The following ZNF718 variants were observed in gnomAD, a reference collection of about 807,000 sequenced individuals.
The protein encoded by ZNF718 is zinc finger protein 718.
ZNF718 carries 3 observed loss-of-function variants against 2.6 expected under a neutral mutation model. The observed-to-expected ratio is 1.16, with a 90% CI of 0.53 to 3.01. The LOEUF is 3.01. Ranked by LOEUF, ZNF718 falls within the 30% of genes most tolerant of loss-of-function variation. ZNF718 has a pLI of 0.03. For synonymous variants in ZNF718, 135 were observed against 77.9 expected (o/e 1.73, Z -3.86); for missense variants, 468 against 230.0 (o/e 2.03, Z -6.69).
chr4:198,502 C>T (rs114619221), intron 3 of ZNF718, among the ~76,000 whole-genome samples: 277 of 152,292 alleles, frequency 1.8e-3, no homozygotes, highest in Non-Finnish European at 2.9e-3. Context: ...TCCTGCCTTC[C>T]CTGCAGGCTA....
At chr4:182,404 A>ATATTTATT (rs74441689) in intron 3 of ZNF718, among the ~76,000 whole-genome samples, 11 of 147,642 alleles carry the variant, frequency 7.5e-5, no homozygotes, top group Admixed American at 1.4e-4. Flanking sequence ...ATTTTGATTT[A>ATATTTATT]TATTTATTTA....
chr4:166,701 G>GT (rs1292911714), downstream of ZNF718, among the ~76,000 whole-genome samples: 166 of 151,802 alleles, frequency 1.1e-3, no homozygotes, highest in Admixed American at 1.8e-3. Context: ...GGGGCTGTTT[G>GT]TTTTTTTTCT....
chr4:187,779 G>T (rs1031035308), intron 3 of ZNF718, among the ~76,000 whole-genome samples: 6 of 151,180 alleles, frequency 4.0e-5, no homozygotes, highest in African/African-American at 9.9e-5. Flanking sequence ...ACTGTACTGT[G>T]TTGGGGGGAT....
intron 3 of ZNF718, among the ~76,000 whole-genome samples, chr4:191,746 A>C (rs183226117): frequency 2.8e-4 from 43 of 152,296 alleles, no homozygotes; most frequent in Non-Finnish European, 2.9e-5. Flanking sequence ...AAAAATATTA[A>C]TTTGGTCATC....
chr4:130,854 TC>T lies in ZNF718; in HGVS notation c.73del (p.Gln25SerfsTer8). The T allele has an allele frequency of 2.6e-6, 1 of 387,696 alleles. No individual in the cohort carries two copies. The highest frequency in any genetic ancestry group is 4.1e-5 in the South Asian group (1 of 24,390). The allele number at this position is 387,696 out of a possible 1,614,324, so 24.0% of individuals were successfully genotyped here. ...AGAAGAGTGGAAATGTCTGGACACT[TC>T]CCAGCAGAATTTATATAGAGATGTG... ...SPEEWKCLDT[S>X]QQNLYRDVML... On this transcript the variant is annotated frameshift_variant, in exon 2 of 4. Transcript: ENST00000510175. LOFTEE classifies it high-confidence loss of function.
At chr4:194,031 C>CCTGAAGG (rs1165299186) in intron 3 of ZNF718, among the ~76,000 whole-genome samples, 2 of 152,166 alleles carry the variant, frequency 1.3e-5, no homozygotes, top group Non-Finnish European at 2.9e-5. Context: ...AGTCCACTTG[C>CCTGAAGG]CTGAAGGCCA....
chr4:141,985 G>A (rs1200854505), intron 3 of ZNF718: 1 of 518,628 alleles, frequency 1.9e-6, no homozygotes, highest in African/African-American at 1.9e-5. Context: ...TATATTTCCA[G>A]CAGGTAAAAA....
intron 3 of ZNF718, among the ~76,000 whole-genome samples, chr4:139,170 G>A (rs1553809902): frequency 6.6e-6 from 1 of 152,160 alleles, no homozygotes; most frequent in African/African-American, 2.4e-5. Context: ...GCCTGTGCTT[G>A]TGGGGTATTA....
chr4:158,510 T>TCAAAAAA (rs1716679007), intron 3 of ZNF718, among the ~76,000 whole-genome samples: 1 of 151,880 alleles, frequency 6.6e-6, no homozygotes, highest in Non-Finnish European at 1.5e-5. Flanking sequence ...TTTTTGAGTA[T>TCAAAAAA]CTCTACAGAT....
At chr4:150,422 T>C (rs1486682415) in intron 3 of ZNF718, 1 of 152,172 alleles carries the variant, frequency 6.6e-6, no homozygotes, top group Non-Finnish European at 1.5e-5. Context: ...TTAGGTGTTA[T>C]ATCCAAAAAT....
At chr4:138,245 AT>A (rs1320368098) in intron 3 of ZNF718, among the ~76,000 whole-genome samples, 1 of 152,062 alleles carries the variant, frequency 6.6e-6, no homozygotes, top group Non-Finnish European at 1.5e-5. Context: ...CTTTCTAATT[AT>A]TTTTCTACCC....
At chr4:177,508 C>G (rs879958418) in intron 3 of ZNF718, among the ~76,000 whole-genome samples, 3 of 152,136 alleles carry the variant, frequency 2.0e-5, no homozygotes, top group African/African-American at 4.8e-5. Flanking sequence ...CATGACATCT[C>G]ATTTTGTTGG....
intron 3 of ZNF718, chr4:150,380 A>G (rs1430546621): frequency 2.6e-5 from 4 of 152,084 alleles, no homozygotes; most frequent in Admixed American, 2.6e-4. Context: ...ATGTAGTACC[A>G]TGTGTATTTT....
chr4:161,844 A>G lies in ZNF718; in HGVS notation c.1159A>G (p.Arg387Gly), dbSNP rs1553815400. The change falls in exon 4 of 4, where the codon AGA becomes GGA. Residue 387 changes from arginine (R) to glycine (G), a missense_variant. Transcript: ENST00000510175. ...NWSSTLNVHK[R>G]IHSGKNPYKC... ...GTCCTCAACCCTTAATGTACACAAG[A>G]GAATTCACTCTGGAAAAAATCCCTA... The G allele has an allele frequency of 1.3e-6, 1 of 780,902 alleles. No homozygotes were observed. The highest frequency in any genetic ancestry group is 2.4e-6 in the Non-Finnish European group (1 of 418,014). The allele number at this position is 780,902 out of a possible 1,614,324, so 48.4% of individuals were successfully genotyped here. A position where few individuals can be genotyped will look rare whatever the true frequency, so the allele number is the denominator to read the frequency against.
At chr4:181,129 G>A (rs1349130052) in intron 3 of ZNF718, among the ~76,000 whole-genome samples, 5 of 149,026 alleles carry the variant, frequency 3.4e-5, no homozygotes, top group Non-Finnish European at 5.9e-5. Flanking sequence ...TGAGGAGCTG[G>A]GACTACAGGC....
At chr4:169,637 G>T (rs1239032040) in intron 3 of ZNF718, among the ~76,000 whole-genome samples, 1 of 152,054 alleles carries the variant, frequency 6.6e-6, no homozygotes. Flanking sequence ...ATCTTTGTTA[G>T]TTTAAAGTCT....
At chr4:182,544 C>A (rs1717489453) in intron 3 of ZNF718, among the ~76,000 whole-genome samples, 1 of 152,034 alleles carries the variant, frequency 6.6e-6, no homozygotes, top group Admixed American at 6.6e-5. Context: ...AGCGATTCTT[C>A]TGCCTTAGCC....
At chr4:137,240 C>T (rs539476975) in intron 3 of ZNF718, among the ~76,000 whole-genome samples, 1 of 150,916 alleles carries the variant, frequency 6.6e-6, no homozygotes, top group Non-Finnish European at 1.5e-5. Context: ...AAACCTTTTT[C>T]TAAAAAAAAA....
At chr4:190,172 T>C (rs1253239438) in intron 3 of ZNF718, among the ~76,000 whole-genome samples, 15 of 152,090 alleles carry the variant, frequency 9.9e-5, no homozygotes, top group Admixed American at 6.6e-5. Context: ...GGCTCACACC[T>C]GTAATCCCAA....
Sources: gnomAD v4.1 joint callset for allele counts (sites outside exome capture counted in the v4.1 genomes callset) on GRCh38, gnomAD v4.1.1 for gene constraint, MANE v1.5 for transcripts, NCBI Gene and HGNC (gene_info 2026-07-23, HGNC 2026-07-21) for gene names.